Variants in SLC12A6 observed in about 807,000 individuals in gnomAD.
SLC12A6 encodes the protein solute carrier family 12 member 6.
A neutral mutation model predicts 135.3 loss-of-function variants in SLC12A6; 66 were observed. The observed-to-expected ratio is 0.49, with a 90% CI of 0.40 to 0.60. The LOEUF (loss-of-function observed/expected upper bound fraction) is 0.60, where lower values mean the gene tolerates loss of function less well. SLC12A6 is among the 20% of genes least tolerant of loss of function. SLC12A6 has a pLI of 0.00. For synonymous variants in SLC12A6, 513 were observed against 508.8 expected (o/e 1.01, Z -0.11); for missense variants, 1,058 against 1,452.3 (o/e 0.73, Z 4.41).
At chr15:34,309,865 A>G (rs1296851137) in intron 2 of SLC12A6, among the ~76,000 whole-genome samples, 1 of 152,204 alleles carries the variant, frequency 6.6e-6, no homozygotes, top group African/African-American at 2.4e-5. Flanking sequence ...TAGGCTGGTA[A>G]AAGCCTCCCA....
rs1448840632 is a variant in SLC12A6 at position 34,229,880 on chromosome 15, A to T, written c.*4001T>A. 8.3e-7 allele frequency: 1 copy of T among 1,200,620 alleles called. No homozygotes were observed. Among genetic ancestry groups the T allele is most frequent in the African/African-American group, 1.5e-5 (1 of 66,826 alleles). The allele number at this position is 1,200,620 out of a possible 1,614,324, so 74.4% of individuals were successfully genotyped here. A position where few individuals can be genotyped will look rare whatever the true frequency, so the allele number is the denominator to read the frequency against. Reference sequence around the variant, plus strand: ...GGCTCCTCAGCATACTCTTAAACTAATCACTTATGTTAAAAAGAACCAAAA... The same window carrying T: ...GGCTCCTCAGCATACTCTTAAACTATTCACTTATGTTAAAAAGAACCAAAA... On this transcript the variant is annotated 3_prime_UTR_variant, in exon 26 of 26. Coordinates refer to ENST00000354181, the MANE Select transcript of SLC12A6 (RefSeq NM_001365088.1).
intron 2 of SLC12A6, among the ~76,000 whole-genome samples, chr15:34,287,510 G>C (rs1257115546): frequency 6.6e-6 from 1 of 152,108 alleles, no homozygotes; most frequent in Non-Finnish European, 1.5e-5. Flanking sequence ...GGATTGCTGG[G>C]TCAAATGGTA....
chr15:34,310,174 AGTGTGTGTGTGT>A (rs60783164), intron 2 of SLC12A6, among the ~76,000 whole-genome samples: 3 of 127,798 alleles, frequency 2.3e-5, no homozygotes, highest in African/African-American at 6.7e-5. Flanking sequence ...ACGCCCAGCT[AGTGTGTGTGTGT>A]GTGTGTGTGT....
chr15:34,268,391 A>C (rs998155811), intron 3 of SLC12A6, among the ~76,000 whole-genome samples: 1 of 152,186 alleles, frequency 6.6e-6, no homozygotes, highest in Non-Finnish European at 1.5e-5. Flanking sequence ...CTCATGGTCT[A>C]CTTGTGGTAG....
intron 7 of SLC12A6, 53 bp downstream of exon 7, chr15:34,256,176 T>C: frequency 2.6e-6 from 3 of 1,152,686 alleles, no homozygotes; most frequent in Non-Finnish European, 4.0e-6. Context: ...CTTTATAGCA[T>C]AAACACAGAG....
chr15:34,280,501 G>A (rs1032475541), intron 2 of SLC12A6, among the ~76,000 whole-genome samples: 3 of 151,980 alleles, frequency 2.0e-5, no homozygotes, highest in East Asian at 3.9e-4. Flanking sequence ...AAACCAAAGC[G>A]TCATCATCAT....
intron 13 of SLC12A6, among the ~76,000 whole-genome samples, chr15:34,248,166 T>G (rs1187871923): frequency 6.6e-6 from 1 of 152,214 alleles, no homozygotes; most frequent in African/African-American, 2.4e-5. Flanking sequence ...TGGCTTCCTA[T>G]TACATGAATA....
Position 34,235,110 on chromosome 15 carries a change from G to A in SLC12A6, c.3361+71C>T, listed in dbSNP as rs560608306. The A allele has an allele frequency of 5.9e-6, 8 of 1,361,496 alleles. No homozygotes were observed. In the South Asian group the frequency reaches 9.3e-5, roughly 16 times the overall value. The allele number at this position is 1,361,496 out of a possible 1,614,324, so 84.3% of individuals were successfully genotyped here. A position where few individuals can be genotyped will look rare whatever the true frequency, so the allele number is the denominator to read the frequency against. On this transcript the variant is annotated intron_variant, in intron 25 of 25. Coordinates refer to ENST00000354181, the MANE Select transcript of SLC12A6 (RefSeq NM_001365088.1). ...TGGGGCATAGACAATGACTTTTATTGTTACCTAGTTATCTCAGAAAGAGGT... is the reference window on the plus strand; with the variant it reads ...TGGGGCATAGACAATGACTTTTATTATTACCTAGTTATCTCAGAAAGAGGT...
chr15:34,298,672 G>T (rs984463323), intron 2 of SLC12A6, among the ~76,000 whole-genome samples: 6 of 151,962 alleles, frequency 3.9e-5, no homozygotes, highest in African/African-American at 1.2e-4. Flanking sequence ...AAGAAGAAAA[G>T]AATCCTGTCA....
At position 34,260,975 on chromosome 15, in the gene SLC12A6, T is replaced by A. The variant is rs778522960; in HGVS notation, c.362A>T (p.Asn121Ile). 2 of 1,579,944 alleles carry A rather than the reference T, an allele frequency of 1.3e-6. No homozygotes were observed. Among genetic ancestry groups the A allele is most frequent in the South Asian group, 2.2e-5 (2 of 90,384 alleles). ...AAAATATTCATCTCCTTCTTCATAATTGGAATTATTGAGATAAGCATTTCG... is the reference window on the plus strand; with the variant it reads ...AAAATATTCATCTCCTTCTTCATAAATGGAATTATTGAGATAAGCATTTCG... ...KARNAYLNNS[N>I]YEEGDEYFDK... Residue 121 changes from asparagine (N) to isoleucine (I), a missense_variant, in exon 4 of 26, where the codon AAT (asparagine) becomes ATT (isoleucine). Around this residue, in one of 6 missense-constraint regions of SLC12A6, gnomAD observed 176 missense variants for 168.9 expected, o/e 1.04. Coordinates refer to ENST00000354181, the MANE Select transcript of SLC12A6 (RefSeq NM_001365088.1).
chr15:34,277,028 T>G (rs1265794911), intron 2 of SLC12A6, among the ~76,000 whole-genome samples: 6 of 152,198 alleles, frequency 3.9e-5, no homozygotes. Context: ...TTCCTTAATT[T>G]GCTTTGAAAA....
chr15:34,326,266 C>T (rs1889450643), intron 2 of SLC12A6, among the ~76,000 whole-genome samples: 1 of 152,184 alleles, frequency 6.6e-6, no homozygotes, highest in Admixed American at 6.5e-5. Flanking sequence ...GCTATGAAGA[C>T]AGACATTCAG....
intron 2 of SLC12A6, among the ~76,000 whole-genome samples, chr15:34,308,248 T>C (rs1887872102): frequency 6.6e-6 from 1 of 152,164 alleles, no homozygotes; most frequent in African/African-American, 2.4e-5. Context: ...ACAAGTCTCC[T>C]GCGAATTGTT....
intron 2 of SLC12A6, among the ~76,000 whole-genome samples, chr15:34,296,821 T>C (rs189539122): frequency 2.0e-5 from 3 of 152,212 alleles, no homozygotes; most frequent in Non-Finnish European, 2.9e-5. Context: ...GGACTGAAGG[T>C]AGAGAAATTA....
chr15:34,303,669 A>T (rs1219427052), intron 2 of SLC12A6, among the ~76,000 whole-genome samples: 2 of 152,174 alleles, frequency 1.3e-5, no homozygotes, highest in Non-Finnish European at 2.9e-5. Context: ...CCATTAGGTA[A>T]TTAAGCCACC....
intron 19 of SLC12A6, 79 bp from the exon 20 acceptor site, chr15:34,239,239 TC>T (rs1891478545): frequency 1.9e-6 from 2 of 1,063,398 alleles, no homozygotes; most frequent in Admixed American, 3.4e-5. Context: ...CCATATTATA[TC>T]CCCCACCTTT....
At chr15:34,235,399 T>C (rs1278205679) in intron 24 of SLC12A6, 85 bp from the exon 25 acceptor site, 1 of 1,150,322 alleles carries the variant, frequency 8.7e-7, no homozygotes, top group African/African-American at 1.5e-5. Flanking sequence ...TCCTGAGCTT[T>C]TTCACTTGAC....
At chr15:34,315,600 A>T (rs983935217) in intron 2 of SLC12A6, among the ~76,000 whole-genome samples, 1 of 152,186 alleles carries the variant, frequency 6.6e-6, no homozygotes, top group African/African-American at 2.4e-5. Flanking sequence ...AGGTATGTAC[A>T]CTGTTTTTTA....
intron 2 of SLC12A6, among the ~76,000 whole-genome samples, chr15:34,310,174 A>AGTGTGTGTGTGTGTGTGT (rs60783164): frequency 1.6e-5 from 2 of 127,744 alleles, no homozygotes; most frequent in African/African-American, 3.4e-5. Flanking sequence ...ACGCCCAGCT[A>AGTGTGTGTGTGTGTGTGT]GTGTGTGTGT....
Sources: allele counts gnomAD v4.1 joint callset (sites outside exome capture counted in the v4.1 genomes callset), GRCh38; gene constraint gnomAD v4.1.1; regional missense constraint gnomAD v4.1.1; transcripts MANE v1.5; gene names NCBI Gene and HGNC (gene_info 2026-07-23, HGNC 2026-07-21).